COX16: variants seen among roughly 807,000 people sequenced by gnomAD.
COX16 encodes the protein cytochrome c oxidase assembly factor COX16, also known as cytochrome c oxidase assembly protein COX16 homolog, mitochondrial.
In COX16, 12 loss-of-function variants were observed where a neutral mutation model predicts 15.4. That is an observed-to-expected ratio of 0.78 (90% CI 0.50 to 1.26). The LOEUF is 1.26. Ranked by LOEUF, COX16 falls within the 50% of genes most tolerant of loss-of-function variation. The pLI, the probability that COX16 is intolerant of heterozygous loss-of-function variation, is 0.00. For missense variants in COX16, 124 were observed against 127.6 expected (o/e 0.97, Z 0.14); for synonymous variants, 46 against 41.1 (o/e 1.12, Z -0.46).
intron 2 of COX16, among the ~76,000 whole-genome samples, chr14:70,330,903 G>C (rs532554055): frequency 6.6e-6 from 1 of 152,174 alleles, no homozygotes; most frequent in East Asian, 1.9e-4. Context: ...AATATGAAAG[G>C]CAAAAATCAA....
At position 70,341,732 on chromosome 14, in the gene COX16, G is replaced by T. The variant is rs372403636; in HGVS notation, c.141+926C>A. Among the ~76,000 whole-genome samples the T allele has an allele frequency of 1.1e-4, 16 of 152,008 alleles. 1 individual carries two copies. The highest frequency in any genetic ancestry group is 2.2e-4 in the Non-Finnish European group (15 of 68,006). ...TAGCCCCAACTTGCAATGTTTCAAC[G>T]TACGTTTCTTTTACTTTACGATCCA... On this transcript the variant is annotated intron_variant, in intron 2 of 3. Transcript: ENST00000389912.
At chr14:70,342,271 C>A (rs1406110780) in intron 2 of COX16, among the ~76,000 whole-genome samples, 1 of 152,024 alleles carries the variant, frequency 6.6e-6, no homozygotes, top group South Asian at 2.1e-4. Context: ...ATAGTGAAAC[C>A]CCATCTCTAC....
At chr14:70,353,118 G>A (rs961101510) in intron 1 of COX16, among the ~76,000 whole-genome samples, 5 of 151,716 alleles carry the variant, frequency 3.3e-5, no homozygotes, top group Admixed American at 6.6e-5. Context: ...TAAAGTAGCC[G>A]GGTGTGGTGG....
chr14:70,328,924 T>C (rs1416026449), intron 3 of COX16, among the ~76,000 whole-genome samples: 1 of 152,090 alleles, frequency 6.6e-6, no homozygotes, highest in African/African-American at 2.4e-5. Flanking sequence ...CAAACAAAAT[T>C]CTCCATTTAT....
intron 1 of COX16, among the ~76,000 whole-genome samples, chr14:70,353,535 G>A (rs1887034175): frequency 6.6e-6 from 1 of 151,072 alleles, no homozygotes; most frequent in South Asian, 2.1e-4. Flanking sequence ...TTTGTGTGTG[G>A]CAGAGTCTTG....
intron 1 of COX16, among the ~76,000 whole-genome samples, chr14:70,345,885 T>A (rs532971125): frequency 2.0e-5 from 3 of 152,086 alleles, no homozygotes; most frequent in Admixed American, 2.0e-4. Flanking sequence ...CTCTCAACCA[T>A]CTTTTTTAAC....
At chr14:70,353,437 C>A (rs1280999810) in intron 1 of COX16, among the ~76,000 whole-genome samples, 2 of 146,836 alleles carry the variant, frequency 1.4e-5, no homozygotes, top group Non-Finnish European at 3.0e-5. Context: ...CACATATACA[C>A]ACATATATAT....
chr14:70,330,608 C>T (rs957217843), intron 2 of COX16, among the ~76,000 whole-genome samples: 3 of 152,172 alleles, frequency 2.0e-5, no homozygotes, highest in Non-Finnish European at 2.9e-5. Context: ...AAAAAGACAG[C>T]ATACCATGAT....
intron 1 of COX16, among the ~76,000 whole-genome samples, chr14:70,349,128 T>A (rs1035083847): frequency 8.5e-5 from 13 of 152,104 alleles, no homozygotes; most frequent in African/African-American, 2.4e-4. Context: ...GGTTACAAAT[T>A]CTCTTGCAAC....
At chr14:70,326,927 A>G (rs1886098247) in intron 3 of COX16, among the ~76,000 whole-genome samples, 1 of 152,252 alleles carries the variant, frequency 6.6e-6, no homozygotes, top group South Asian at 2.1e-4. Context: ...AGACTTTCCT[A>G]CAGCTATCTA....
At chr14:70,328,072 A>ATTTTTTTGTTTTTTT (rs1886143379) in intron 3 of COX16, 1 of 80,840 alleles carries the variant, frequency 1.2e-5, no homozygotes, top group Non-Finnish European at 2.2e-5. Context: ...TGAGAATAAG[A>ATTTTTTTGTTTTTTT]TTTTTTTTTT....
chr14:70,329,357 T>C (rs1425055538), intron 2 of COX16, 121 bp from the exon 3 acceptor site: 2 of 771,414 alleles, frequency 2.6e-6, no homozygotes, highest in East Asian at 5.8e-5. Context: ...CATGGCAAAA[T>C]CTCCACCATC....
intron 2 of COX16, among the ~76,000 whole-genome samples, chr14:70,342,052 C>T (rs1334983054): frequency 1.3e-5 from 2 of 152,148 alleles, no homozygotes; most frequent in African/African-American, 4.8e-5. Flanking sequence ...AAATTATTGA[C>T]CTCTGTTTTT....
At chr14:70,355,522 G>C (rs1247858920) in intron 1 of COX16, among the ~76,000 whole-genome samples, 3 of 152,082 alleles carry the variant, frequency 2.0e-5, no homozygotes, top group African/African-American at 7.2e-5. Context: ...AGTACCACCG[G>C]GTGAACAAAG....
chr14:70,345,628 T>C (rs1404106996), intron 1 of COX16, among the ~76,000 whole-genome samples: 4 of 152,124 alleles, frequency 2.6e-5, no homozygotes, highest in Non-Finnish European at 5.9e-5. Flanking sequence ...AAATAGAACA[T>C]TCAACTTTAC....
At chr14:70,333,981 T>C (rs1204701752) in intron 2 of COX16, among the ~76,000 whole-genome samples, 1 of 152,132 alleles carries the variant, frequency 6.6e-6, no homozygotes, top group Non-Finnish European at 1.5e-5. Flanking sequence ...CCAAAAATAC[T>C]GTATCCAGCA....
At chr14:70,355,435 A>C (rs564404121) in intron 1 of COX16, among the ~76,000 whole-genome samples, 3 of 152,064 alleles carry the variant, frequency 2.0e-5, no homozygotes, top group Non-Finnish European at 2.9e-5. Context: ...TTATTTTGTA[A>C]TCTTAATCAA....
chr14:70,331,978 G>A (rs139978254), intron 2 of COX16, among the ~76,000 whole-genome samples: 11 of 152,294 alleles, frequency 7.2e-5, no homozygotes, highest in African/African-American at 2.4e-4. Context: ...TAGGAAGGTC[G>A]TTTTGAATGC....
At chr14:70,353,409 TACACATATATATACACACACATATAC>T (rs1887025637) in intron 1 of COX16, among the ~76,000 whole-genome samples, 1 of 148,506 alleles carries the variant, frequency 6.7e-6, no homozygotes, top group African/African-American at 2.5e-5. Flanking sequence ...TATATATACA[TACACATATATATACACACACATATAC>T]ACACATATAT....
Sources: gnomAD v4.1 joint callset for allele counts (sites outside exome capture counted in the v4.1 genomes callset) on GRCh38, gnomAD v4.1.1 for gene constraint, MANE v1.5 for transcripts, NCBI Gene and HGNC (gene_info 2026-07-23, HGNC 2026-07-21) for gene names.